Variants in REPS2 observed in about 807,000 individuals in gnomAD.
REPS2 encodes the protein ralBP1-associated Eps domain-containing protein 2.
In REPS2, 23 loss-of-function variants were observed where a neutral mutation model predicts 53.6. The observed-to-expected ratio is 0.43, with a 90% CI of 0.31 to 0.61. REPS2 has a LOEUF of 0.61. Ranked by LOEUF, REPS2 falls within the 20% of genes least tolerant of loss-of-function variation. The pLI is 0.11. For missense variants in REPS2, 446 were observed against 534.9 expected, an observed-to-expected ratio of 0.83 and a Z score of 1.64; for synonymous variants, 238 against 218.6, an observed-to-expected ratio of 1.09 and a Z score of -0.78.
chrX:17,137,556 C>T (rs925457952), intron 16 of REPS2: 4 of 112,187 alleles, frequency 3.6e-5, no homozygotes, highest in African/African-American at 1.3e-4. Context: ...ATTGAGCCCT[C>T]TTTGTAAATA....
chrX:17,171,993 G>GC, the REPS2 span, among the ~76,000 whole-genome samples: 1 of 111,502 alleles, frequency 9.0e-6, no homozygotes, highest in Non-Finnish European at 1.9e-5. Flanking sequence ...TACGTGTCAG[G>GC]CTCACTTAAA....
chrX:17,152,275 A>G lies in REPS2; in HGVS notation c.*4794A>G, dbSNP rs753967987. ...ACATCTGAAGTACACAGTTGCTTTT[A>G]GGCTTGTATAGTTATTTTCTACACA... On this transcript the variant is annotated 3_prime_UTR_variant, in exon 18 of 18. Transcript: ENST00000357277. 1 of 112,196 alleles carries G rather than the reference A, an allele frequency of 8.9e-6. No individual in the cohort carries two copies. The highest frequency in any genetic ancestry group is 2.8e-4 in the East Asian group (1 of 3,590). 9.2% of individuals were successfully genotyped at this position (112,196 alleles called of 1,213,427 possible).
At chrX:16,982,951 G>A (rs1432242166) in intron 1 of REPS2, among the ~76,000 whole-genome samples, 1 of 112,610 alleles carries the variant, frequency 8.9e-6, no homozygotes, top group Admixed American at 9.4e-5. Context: ...AGCAATGGCA[G>A]TTTTGCATTT....
chrX:17,170,931 C>T, the REPS2 span, among the ~76,000 whole-genome samples: 2 of 112,999 alleles, frequency 1.8e-5, no homozygotes, highest in Admixed American at 1.9e-4. Flanking sequence ...CTAGCCTCTG[C>T]CCACCTCTCT....
intron 5 of REPS2, among the ~76,000 whole-genome samples, chrX:17,039,252 G>A (rs984567275): frequency 2.7e-5 from 3 of 112,201 alleles, no homozygotes; most frequent in African/African-American, 9.7e-5. Flanking sequence ...AAGGAAAAGT[G>A]CCCTTCTGGA....
chrX:17,155,718 G>A (rs184243945), downstream of REPS2, among the ~76,000 whole-genome samples: 58 of 112,274 alleles, frequency 5.2e-4, no homozygotes, highest in African/African-American at 1.8e-3. Flanking sequence ...ATGTTTTAAC[G>A]TGGACCAAAC....
In REPS2 at chrX:17,077,330, C is replaced by A; in HGVS notation, c.1439C>A (p.Pro480Gln). Residue 480 changes from proline (P) to glutamine (Q), a missense_variant, in exon 13 of 18, where the codon CCG becomes CAG. Physicochemically the swap from Pro to Gln is moderately conservative, Grantham distance 76. Transcript: ENST00000357277. ...AMKRGEDPPT[P>Q]PPRPQKTHSR... Reference sequence around the variant, plus strand: ...AAAAGGGGCGAGGACCCTCCCACCCCGCCACCTCGGCCACAGAAAACCCAT... The same window carrying A: ...AAAAGGGGCGAGGACCCTCCCACCCAGCCACCTCGGCCACAGAAAACCCAT... 8.3e-7 allele frequency: 1 copy of A among 1,210,023 alleles called. No homozygotes were observed. The highest frequency in any genetic ancestry group is 1.1e-6 in the Non-Finnish European group (1 of 894,431).
At chrX:16,981,391 G>A (rs780118906) in intron 1 of REPS2, among the ~76,000 whole-genome samples, 14 of 112,227 alleles carry the variant, frequency 1.2e-4, no homozygotes, top group Non-Finnish European at 1.9e-4. Flanking sequence ...CTCATATGTG[G>A]CTTTTCCTTA....
intron 17 of REPS2, among the ~76,000 whole-genome samples, chrX:17,142,520 G>A (rs1048164157): frequency 9.0e-6 from 1 of 111,552 alleles, no homozygotes; most frequent in Admixed American, 9.5e-5. Context: ...CAAAACCAAA[G>A]CATCTCAATT....
intron 13 of REPS2, among the ~76,000 whole-genome samples, chrX:17,082,031 T>A (rs945752734): frequency 1.8e-5 from 2 of 111,882 alleles, no homozygotes; most frequent in African/African-American, 6.5e-5. Flanking sequence ...ATGAGGTAAT[T>A]TTTTTTTCAT....
chrX:16,948,181 A>G (rs2060465026), intron 1 of REPS2, among the ~76,000 whole-genome samples: 1 of 112,428 alleles, frequency 8.9e-6, no homozygotes, highest in East Asian at 2.8e-4. Context: ...TTCACTTGCA[A>G]TGTCATTGTG....
Position 16,994,305 on chromosome X carries a change from ATGTATATGTG to A in REPS2, c.274-11908_274-11899del, listed in dbSNP as rs755123912. On this transcript the variant is annotated intron_variant, in intron 1 of 17. Coordinates refer to ENST00000357277, the MANE Select transcript of REPS2 (RefSeq NM_004726.3). ...AAATATATTTTATATGTGTGTGTGT[ATGTATATGTG>A]TGTATATATGTGTGTATGTATATGT... 4.5e-3 allele frequency among the ~76,000 whole-genome samples: 498 copies of A among 111,632 alleles called. 2 individuals are homozygous for A. The highest frequency in any genetic ancestry group is 0.016 in the African/African-American group (479 of 30,687).
At position 17,029,530 on chromosome X, in the gene REPS2, T is replaced by A. The variant is rs763215577; in HGVS notation, c.678T>A (p.Pro226=). The change falls in exon 5 of 18, where the codon CCT becomes CCA. Residue 226 remains proline (P), a synonymous_variant. Coordinates refer to ENST00000357277, the MANE Select transcript of REPS2 (RefSeq NM_004726.3). ...CTTTCCTTTCTGCTGTTTCAGCACC[T>A]TATGAAGCTAGGCAGCCCCTTGTCC... ...RSSAEQMHPA[P]YEARQPLVQP... 1 of 1,204,750 alleles carries A rather than the reference T, an allele frequency of 8.3e-7. No individual in the cohort carries two copies. Among genetic ancestry groups the A allele is most frequent in the East Asian group, 3.0e-5 (1 of 33,755 alleles).
the REPS2 span, among the ~76,000 whole-genome samples, chrX:17,174,486 G>T: frequency 8.9e-6 from 1 of 111,762 alleles, no homozygotes; most frequent in African/African-American, 3.3e-5. Flanking sequence ...TGATTCTAAT[G>T]TGCAGCCAGG....
Position 16,969,736 on chromosome X carries a change from C to T in REPS2, c.273+22602C>T, listed in dbSNP as rs751717385. On this transcript the variant is annotated intron_variant, in intron 1 of 17. Transcript: ENST00000357277. The stretch of plus-strand genomic sequence containing the variant: ...CGTGGAAAGAGAGGGAGAGGGAGAC[C>T]GTGGGGAGAGGGAGACCGAGAGGGA... Among the ~76,000 whole-genome samples the T allele has an allele frequency of 7.5e-5, 6 of 80,397 alleles. No homozygotes were observed. The East Asian group carries it at 2.2e-3, about 29-fold the overall frequency. The allele number at this position is 80,397 out of a possible 115,157, so 69.8% of individuals were successfully genotyped here.
rs2063528499 is a variant in REPS2 at position 17,147,487 on chromosome X, C to G, written c.*6C>G. On this transcript the variant is annotated 3_prime_UTR_variant, in exon 18 of 18. Coordinates refer to ENST00000357277, the MANE Select transcript of REPS2 (RefSeq NM_004726.3). ...GTCCGGTCACTGTGTTGTGACCCCC[C>G]CATGGTTCAAGTGACAGTGGGTGAC... The G allele has an allele frequency of 1.7e-6, 2 of 1,187,704 alleles. No individual in the cohort carries two copies. The highest frequency in any genetic ancestry group is 2.2e-5 in the Admixed American group (1 of 44,544).
chrX:17,050,197 T>TCTTTCTTTCTTTCTTTCTTTCTTC (rs773752476), intron 6 of REPS2, among the ~76,000 whole-genome samples: 4 of 46,161 alleles, frequency 8.7e-5, no homozygotes, highest in Non-Finnish European at 1.3e-4. Context: ...TTTCTTTCTT[T>TCTTTCTTTCTTTCTTTCTTTCTTC]TTTTTTTTTT....
rs190620097 is a variant in REPS2, at chrX:17,065,267, C to T, written c.1209+2735C>T. ...CAGTGTATGAGGGTTCCAATTTTCC[C>T]ACATCCTTGTTAACACTTATTGTCT... On this transcript the variant is annotated intron_variant, in intron 9 of 17. Coordinates refer to ENST00000357277, the MANE Select transcript of REPS2 (RefSeq NM_004726.3). 2.6e-4 allele frequency among the ~76,000 whole-genome samples: 29 copies of T among 112,310 alleles called. 1 individual carries two copies. The highest frequency in any genetic ancestry group is 2.5e-3 in the Admixed American group (27 of 10,628).
At chrX:16,950,490 AT>A (rs1224405423) in intron 1 of REPS2, among the ~76,000 whole-genome samples, 3 of 112,199 alleles carry the variant, frequency 2.7e-5, no homozygotes, top group Non-Finnish European at 3.8e-5. Flanking sequence ...TGATTGTACC[AT>A]TTTGCGTTCC....
Sources: gnomAD v4.1 joint callset for allele counts (sites outside exome capture counted in the v4.1 genomes callset) on GRCh38, gnomAD v4.1.1 for gene constraint, MANE v1.5 for transcripts, NCBI Gene and HGNC (gene_info 2026-07-23, HGNC 2026-07-21) for gene names.